Variants in HNRNPC observed in about 807,000 individuals in gnomAD.
HNRNPC encodes the protein heterogeneous nuclear ribonucleoproteins C1/C2.
Under a neutral mutation model 33.2 loss-of-function variants are expected in HNRNPC, and 3 were observed. That is an observed-to-expected ratio of 0.09 (90% CI 0.04 to 0.23). The LOEUF is 0.23. Ranked by LOEUF, HNRNPC falls within the 10% of genes least tolerant of loss-of-function variation. The pLI, the probability that HNRNPC is intolerant of heterozygous loss-of-function variation, is 1.00. For synonymous variants in HNRNPC, 121 were observed against 126.7 expected (o/e 0.96, Z 0.30); for missense variants, 143 against 366.7 (o/e 0.39, Z 4.98).
chr14:21,242,624 GATACTCTATA>G (rs1487094652), intron 2 of HNRNPC, among the ~76,000 whole-genome samples: 1 of 152,200 alleles, frequency 6.6e-6, no homozygotes, highest in East Asian at 1.9e-4. Flanking sequence ...TTTGCAAACA[GATACTCTATA>G]ATTACATAGG....
intron 5 of HNRNPC, among the ~76,000 whole-genome samples, chr14:21,221,527 C>T (rs1892821486): frequency 2.0e-5 from 3 of 152,130 alleles, no homozygotes; most frequent in Admixed American, 2.0e-4. Context: ...TATTACAAAA[C>T]CCATAATCCT....
intron 5 of HNRNPC, among the ~76,000 whole-genome samples, chr14:21,216,437 G>T (rs902948411): frequency 3.9e-5 from 6 of 152,104 alleles, no homozygotes; most frequent in Non-Finnish European, 8.8e-5. Flanking sequence ...GCCGGACAGG[G>T]TGGCTCACAC....
intron 2 of HNRNPC, among the ~76,000 whole-genome samples, chr14:21,238,964 T>C (rs1248730987): frequency 6.6e-6 from 1 of 152,084 alleles, no homozygotes; most frequent in Non-Finnish European, 1.5e-5. Context: ...CCATCTCTAC[T>C]AAAAATACAA....
intron 7 of HNRNPC, 65 bp from the exon 8 acceptor site, chr14:21,211,631 C>T (rs1262063798): frequency 6.5e-7 from 1 of 1,539,494 alleles, no homozygotes; most frequent in African/African-American, 1.4e-5. Flanking sequence ...ACAATCCCCA[C>T]TAAGGATCAC....
chr14:21,221,274 G>C (rs981539429), intron 5 of HNRNPC, among the ~76,000 whole-genome samples: 1 of 152,180 alleles, frequency 6.6e-6, no homozygotes, highest in African/African-American at 2.4e-5. Flanking sequence ...TTCCTGAAGA[G>C]TAGGCTTTAG....
intron 5 of HNRNPC, among the ~76,000 whole-genome samples, chr14:21,217,474 A>G (rs1399647551): frequency 6.6e-6 from 1 of 152,242 alleles, no homozygotes; most frequent in Non-Finnish European, 1.5e-5. Flanking sequence ...GGGAAACTCT[A>G]ACATAATTTT....
intron 1 of HNRNPC, among the ~76,000 whole-genome samples, chr14:21,267,851 T>G (rs1879275175): frequency 6.6e-6 from 1 of 152,202 alleles, no homozygotes; most frequent in Admixed American, 6.6e-5. Flanking sequence ...CATTTTTACT[T>G]CATGATTTCC....
chr14:21,245,675 G>A (rs188776072), intron 2 of HNRNPC, among the ~76,000 whole-genome samples: 1 of 152,048 alleles, frequency 6.6e-6, no homozygotes, highest in Non-Finnish European at 1.5e-5. Context: ...TAAGGCTACA[G>A]TAAGTTTGTA....
At chr14:21,234,592 T>A (rs1001144448) in intron 2 of HNRNPC, among the ~76,000 whole-genome samples, 1 of 152,182 alleles carries the variant, frequency 6.6e-6, no homozygotes, top group African/African-American at 2.4e-5. Flanking sequence ...CTGACACCAG[T>A]TTCTGCTGTT....
At chr14:21,247,599 C>A (rs1216990691) in intron 2 of HNRNPC, among the ~76,000 whole-genome samples, 1 of 151,918 alleles carries the variant, frequency 6.6e-6, no homozygotes, top group Admixed American at 6.6e-5. Context: ...AAAAATAAAT[C>A]AAAATTTTAG....
In HNRNPC at chr14:21,254,896, T is replaced by G. The variant is rs1387136954; in HGVS notation, c.-37+8415A>C. On this transcript the variant is annotated intron_variant, in intron 2 of 8. Coordinates refer to ENST00000553300, the MANE Select transcript of HNRNPC (RefSeq NM_004500.4). ...AAGATCGTGCCATTGCACTCCAGCC[T>G]GGGCAACAGAGCGAGACTCTAGTCT... 6.2e-5 allele frequency among the ~76,000 whole-genome samples: 9 copies of G among 145,140 alleles called. No individual in the cohort carries two copies. The East Asian group carries it at 1.6e-3, about 26-fold the overall frequency.
intron 5 of HNRNPC, among the ~76,000 whole-genome samples, chr14:21,223,960 T>C (rs1455168992): frequency 1.3e-5 from 2 of 152,078 alleles, no homozygotes; most frequent in African/African-American, 2.4e-5. Context: ...CTGAGAGTCA[T>C]CTGTTAGCTT....
intron 5 of HNRNPC, among the ~76,000 whole-genome samples, chr14:21,220,831 T>TAAA (rs34492058): frequency 1.4e-5 from 2 of 147,694 alleles, no homozygotes; most frequent in South Asian, 2.1e-4. Context: ...GGTATTTATT[T>TAAA]AAAAAAAAAA....
chr14:21,256,896 C>A (rs1441738955), intron 2 of HNRNPC, among the ~76,000 whole-genome samples: 1 of 152,108 alleles, frequency 6.6e-6, no homozygotes, highest in Non-Finnish European at 1.5e-5. Flanking sequence ...TCAAGCGATG[C>A]GCCTCCCTCA....
At chr14:21,254,373 AAAT>A (rs2138953711) in intron 2 of HNRNPC, among the ~76,000 whole-genome samples, 1 of 152,300 alleles carries the variant, frequency 6.6e-6, no homozygotes, top group Admixed American at 6.5e-5. Context: ...GTTAAATTTA[AAAT>A]TATTACTTAA....
Position 21,211,107 on chromosome 14 carries a change from G to A in HNRNPC, c.*116C>T, listed in dbSNP as rs28559592. 10 of 1,125,800 alleles carry A rather than the reference G, an allele frequency of 8.9e-6. No individual in the cohort carries two copies. Among genetic ancestry groups the A allele is most frequent in the Admixed American group, 5.7e-5 (3 of 52,836 alleles). 69.7% of individuals were successfully genotyped at this position (1,125,800 alleles called of 1,614,324 possible). On this transcript the variant is annotated 3_prime_UTR_variant, in exon 9 of 9. Coordinates refer to ENST00000553300, the MANE Select transcript of HNRNPC (RefSeq NM_004500.4). Reference sequence around the variant, plus strand: ...AACATGGGAAGGACAAGGATGGGGAGAACAGTGAGCATGTGCTGAAGATAC... The same window carrying A: ...AACATGGGAAGGACAAGGATGGGGAAAACAGTGAGCATGTGCTGAAGATAC...
chr14:21,231,753 C>A (rs1189583240), intron 3 of HNRNPC, among the ~76,000 whole-genome samples: 1 of 152,186 alleles, frequency 6.6e-6, no homozygotes, highest in Non-Finnish European at 1.5e-5. Context: ...GATACCACTT[C>A]AACTCAACTC....
rs547826872 is a variant in HNRNPC, at chr14:21,210,237, A to G, written c.*986T>C. 3 of 152,326 alleles carry G rather than the reference A, an allele frequency of 2.0e-5. No homozygotes were observed. Among genetic ancestry groups the G allele is most frequent in the Non-Finnish European group, 4.4e-5 (3 of 68,016 alleles). The allele number at this position is 152,326 out of a possible 1,614,324, so 9.4% of individuals were successfully genotyped here. ...TTTAAGGACAAAACCATTTAGCACA[A>G]AACACAAACCTCAGAAAGGGTGCCA... On this transcript the variant is annotated 3_prime_UTR_variant, in exon 9 of 9. Transcript: ENST00000553300.
intron 2 of HNRNPC, among the ~76,000 whole-genome samples, chr14:21,262,191 A>G (rs1034521209): frequency 6.6e-6 from 1 of 152,232 alleles, no homozygotes; most frequent in Non-Finnish European, 1.5e-5. Flanking sequence ...CTCTTGTGAA[A>G]TATTAATGAG....
Sources: allele counts gnomAD v4.1 joint callset (sites outside exome capture counted in the v4.1 genomes callset), GRCh38; gene constraint gnomAD v4.1.1; transcripts MANE v1.5; gene names NCBI Gene and HGNC (gene_info 2026-07-23, HGNC 2026-07-21).